TBX3: variants seen among roughly 807,000 people sequenced by gnomAD.
TBX3 encodes the protein T-box transcription factor 3, also known as T-box transcription factor TBX3.
In TBX3, 11 loss-of-function variants were observed where a neutral mutation model predicts 47.8. The observed-to-expected ratio is 0.23, with a 90% CI of 0.14 to 0.38. The LOEUF (loss-of-function observed/expected upper bound fraction) is 0.38. Among genes scored for constraint, TBX3 ranks in the 10% least tolerant of loss-of-function variants. The pLI is 1.00. For missense variants in TBX3, 927 were observed against 1,022.8 expected, an observed-to-expected ratio of 0.91 and a Z score of 1.28; for synonymous variants, 500 against 449.3, an observed-to-expected ratio of 1.11 and a Z score of -1.43.
chr12:114,674,911 A>C, intron 5 of TBX3, 76 bp from the exon 6 acceptor site: 1 of 1,525,096 alleles, frequency 6.6e-7, no homozygotes, highest in Non-Finnish European at 8.8e-7. Flanking sequence ...CCAGTTCCCA[A>C]GTTGGAATCC....
At chr12:114,672,836 C>T (rs550437806) in intron 6 of TBX3, among the ~76,000 whole-genome samples, 1 of 151,920 alleles carries the variant, frequency 6.6e-6, no homozygotes, top group Non-Finnish European at 1.5e-5. Flanking sequence ...AGAAGTTTCT[C>T]CAAACAAAAC....
chr12:114,673,035 A>G (rs967012166), intron 6 of TBX3, among the ~76,000 whole-genome samples: 14 of 152,248 alleles, frequency 9.2e-5, no homozygotes, highest in African/African-American at 3.1e-4. Context: ...AATTGGCAGA[A>G]GCAGCATTTA....
chr12:114,679,989 A>G, intron 2 of TBX3: 1 of 1,613,924 alleles, frequency 6.2e-7, no homozygotes, highest in Non-Finnish European at 8.5e-7. Context: ...AGATAGAGAA[A>G]AACATGCATT....
In TBX3 at chr12:114,683,801, A is replaced by T. The variant is rs1304403973; in HGVS notation, c.-601T>A. On this transcript the variant is annotated 5_prime_UTR_variant, in exon 1 of 7. Coordinates refer to ENST00000349155, the MANE Select transcript of TBX3 (RefSeq NM_005996.4). The surrounding 1 kb of genome is among the most constrained non-coding windows in gnomAD (Gnocchi z 7.7). ...AAGTCTCTCTCCTTTAAAAAAAAAA[A>T]AATCTGATTTAAACCCCCTTCTACC... The T allele has an allele frequency of 1.3e-5, 3 of 230,526 alleles. No homozygotes were observed. Among genetic ancestry groups the T allele is most frequent in the African/African-American group, 2.2e-5 (1 of 45,002 alleles). 14.3% of individuals were successfully genotyped at this position (230,526 alleles called of 1,614,324 possible). A position where few individuals can be genotyped will look rare whatever the true frequency, so the allele number is the denominator to read the frequency against.
chr12:114,676,479 GA>G lies in TBX3; in HGVS notation c.882-10del, dbSNP rs1868717856. Reference sequence around the variant, plus strand: ...GCAGGGTGAGCTGTTTTCTGTGGCAGAAGCCCACACCCAGGTTACAGAATGT... The same window carrying G: ...GCAGGGTGAGCTGTTTTCTGTGGCAGAGCCCACACCCAGGTTACAGAATGT... On this transcript the variant is annotated splice_polypyrimidine_tract_variant and intron_variant, in intron 4 of 6. Transcript: ENST00000349155. The G allele has an allele frequency of 1.2e-6, 2 of 1,614,074 alleles. No individual in the cohort carries two copies. The highest frequency in any genetic ancestry group is 2.7e-5 in the African/African-American group (2 of 74,948).
chr12:114,675,889 C>CA (rs1274848344), intron 5 of TBX3, among the ~76,000 whole-genome samples: 2 of 152,116 alleles, frequency 1.3e-5, no homozygotes, highest in Non-Finnish European at 2.9e-5. Flanking sequence ...GCTTCCCCCC[C>CA]ACCCAGTCCA....
rs1273967263 is a variant in TBX3, at chr12:114,683,550, G to A, written c.-350C>T. On this transcript the variant is annotated 5_prime_UTR_variant, in exon 1 of 7. Transcript: ENST00000349155. The surrounding 1 kb of genome is among the most constrained non-coding windows in gnomAD (Gnocchi z 7.7). The stretch of plus-strand genomic sequence containing the variant: ...GCGAGCAGGGTCTCGACTCGCGCCC[G>A]AGCCCTGCCGCTGAGCTCGAAATAG... 6 of 325,070 alleles carry A rather than the reference G, an allele frequency of 1.8e-5. No individual in the cohort carries two copies. The highest frequency in any genetic ancestry group is 3.4e-5 in the Non-Finnish European group (6 of 177,036). The allele number at this position is 325,070 out of a possible 1,614,324, so 20.1% of individuals were successfully genotyped here. A position where few individuals can be genotyped will look rare whatever the true frequency, so the allele number is the denominator to read the frequency against.
At chr12:114,673,615 C>G (rs891601657) in intron 6 of TBX3, among the ~76,000 whole-genome samples, 21 of 152,280 alleles carry the variant, frequency 1.4e-4, no homozygotes, top group African/African-American at 5.1e-4. Context: ...CTCCCCAGGC[C>G]TAGAGTCCCA....
chr12:114,679,948 C>T lies in TBX3; in HGVS notation c.658-297G>A, dbSNP rs765693432. ...AAACTATAATTCCCCTGCCACGTAG[C>T]GTGATCACTTGGGAAGGCCAAAGTC... is the stretch of plus-strand genomic sequence containing the variant. On this transcript the variant is annotated intron_variant, in intron 2 of 6. Transcript: ENST00000349155. 2.2e-5 allele frequency: 35 copies of T among 1,614,016 alleles called. No individual in the cohort carries two copies. The highest frequency in any genetic ancestry group is 4.5e-5 in the East Asian group (2 of 44,896).
Position 114,683,950 on chromosome 12 carries a change from GC to G in TBX3, c.-751del, listed in dbSNP as rs1307841013. On this transcript the variant is annotated 5_prime_UTR_variant, in exon 1 of 7. Transcript: ENST00000349155. The surrounding 1 kb of genome is among the most constrained non-coding windows in gnomAD (Gnocchi z 7.7). The stretch of plus-strand genomic sequence containing the variant: ...AAATCTTGCTGGGCTCTTCTCCCGT[GC>G]CTCTCTCTCTTCCTTGTCCTAAAAC... The G allele has an allele frequency of 4.3e-6, 1 of 231,372 alleles. No individual in the cohort carries two copies. The highest frequency in any genetic ancestry group is 8.5e-6 in the Non-Finnish European group (1 of 116,964). The allele number at this position is 231,372 out of a possible 1,614,324, so 14.3% of individuals were successfully genotyped here. A position where few individuals can be genotyped will look rare whatever the true frequency, so the allele number is the denominator to read the frequency against.
intron 6 of TBX3, among the ~76,000 whole-genome samples, chr12:114,672,895 C>A (rs559826258): frequency 1.3e-5 from 2 of 152,068 alleles, no homozygotes; most frequent in South Asian, 4.2e-4. Flanking sequence ...CAAAAGGAAA[C>A]TGGGGCTGGG....
rs771934403 is a variant in TBX3 at position 114,671,899 on chromosome 12, T to C, written c.2114A>G (p.Gln705Arg). The C allele has an allele frequency of 4.4e-5, 69 of 1,579,462 alleles. No homozygotes were observed. Among genetic ancestry groups the C allele is most frequent in the South Asian group, 3.8e-4 (33 of 86,250 alleles). Residue 705 changes from glutamine to arginine, a missense_variant, in exon 7 of 7, where the codon CAG (glutamine) becomes CGG (arginine). By Grantham distance (43) the Gln-to-Arg change is conservative (BLOSUM62 1). Coordinates refer to ENST00000349155, the MANE Select transcript of TBX3 (RefSeq NM_005996.4). ...GGCTTCCAAGCCGCTAACCAACCGCTGGATGCTCTGCAGTTCGCTGGTGGC... is the reference window on the plus strand; with the variant it reads ...GGCTTCCAAGCCGCTAACCAACCGCCGGATGCTCTGCAGTTCGCTGGTGGC... ...EAATSELQSI[Q>R]RLVSGLEAKP...
In TBX3 at chr12:114,672,211, C is replaced by T. The variant is rs2121377359; in HGVS notation, c.1802G>A (p.Ser601Asn). 1.3e-6 allele frequency: 2 copies of T among 1,572,022 alleles called. No homozygotes were observed. Among genetic ancestry groups the T allele is most frequent in the South Asian group, 1.2e-5 (1 of 85,720 alleles). Residue 601 changes from serine (S) to asparagine (N), a missense_variant, in exon 7 of 7, where the codon AGC (serine) becomes AAC (asparagine). Ser to Asn is a conservative substitution (Grantham distance 46). Coordinates refer to ENST00000349155, the MANE Select transcript of TBX3 (RefSeq NM_005996.4). ...AAAASSAAAS[S>N]SVHRHPFLNL... is the part of the protein sequence containing the mutation. ...GAGGAAGGGGTGGCGGTGCACCGAGCTGGAGGCTGCCGCAGAGGAGGCGGC... is the reference window on the plus strand; with the variant it reads ...GAGGAAGGGGTGGCGGTGCACCGAGTTGGAGGCTGCCGCAGAGGAGGCGGC...
At chr12:114,676,581 C>T in intron 4 of TBX3, 111 bp from the exon 5 acceptor site, 3 of 1,397,144 alleles carry the variant, frequency 2.1e-6, no homozygotes, top group Non-Finnish European at 3.0e-6. Context: ...TGCCTGCTGC[C>T]CAGGGACAAC....
chr12:114,681,252 T>C, intron 1 of TBX3, 106 bp from the exon 2 acceptor site: 1 of 1,455,914 alleles, frequency 6.9e-7, no homozygotes, highest in South Asian at 1.2e-5. Context: ...TAAGACTTTA[T>C]ATTGTGACTG....
At chr12:114,677,131 G>A (rs1454621938) in intron 4 of TBX3, among the ~76,000 whole-genome samples, 2 of 152,254 alleles carry the variant, frequency 1.3e-5, no homozygotes, top group South Asian at 2.1e-4. Context: ...AGCTGTCTAC[G>A]TAATGCAAAA....
chr12:114,682,971 G>C lies in TBX3; in HGVS notation c.230C>G (p.Pro77Arg), dbSNP rs770004469. The C allele has an allele frequency of 6.2e-6, 10 of 1,614,154 alleles. No homozygotes were observed. In the Admixed American group the frequency reaches 8.3e-5, roughly 13 times the overall value. The change falls in exon 1 of 7, where the codon CCG (proline) becomes CGG (arginine). Residue 77 changes from proline to arginine, a missense_variant. By Grantham distance (103) the Pro-to-Arg change is moderately radical. This residue lies in a region of TBX3 where 216 missense variants were observed against 281.2 expected (regional missense o/e 0.77). Coordinates refer to ENST00000349155, the MANE Select transcript of TBX3 (RefSeq NM_005996.4). ...CGCCTGGGGCCCCAGGGAGGAGAACGGGATGCCGGTCTCGGCCGCCCCCAC... is the reference window on the plus strand; with the variant it reads ...CGCCTGGGGCCCCAGGGAGGAGAACCGGATGCCGGTCTCGGCCGCCCCCAC... ...QLVGAAETGI[P>R]FSSLGPQAHL...
Position 114,683,201 on chromosome 12 carries a change from C to T in TBX3, c.-1G>A, listed in dbSNP as rs144772866. On this transcript the variant is annotated 5_prime_UTR_variant, in exon 1 of 7. Coordinates refer to ENST00000349155, the MANE Select transcript of TBX3 (RefSeq NM_005996.4). The surrounding 1 kb of genome is among the most constrained non-coding windows in gnomAD (Gnocchi z 7.7). ...CCGGATCTCTCATGGAGAGGCTCAT[C>T]CACTCCAGGCGGGGCGCTGGGCTCC... 3 of 1,609,318 alleles carry T rather than the reference C, an allele frequency of 1.9e-6. No homozygotes were observed. Among genetic ancestry groups the T allele is most frequent in the Non-Finnish European group, 2.5e-6 (3 of 1,177,622 alleles).
chr12:114,679,879 C>G, intron 2 of TBX3: 1 of 1,611,560 alleles, frequency 6.2e-7, no homozygotes, highest in South Asian at 1.1e-5. Flanking sequence ...CCCTCACCAT[C>G]TAAGGATCAT....
Sources: allele counts gnomAD v4.1 joint callset (sites outside exome capture counted in the v4.1 genomes callset), GRCh38; gene constraint gnomAD v4.1.1; regional missense constraint gnomAD v4.1.1; non-coding constraint Gnocchi (gnomAD v3.1); transcripts MANE v1.5; gene names NCBI Gene and HGNC (gene_info 2026-07-23, HGNC 2026-07-21).